NGLY1: variants seen among roughly 807,000 people sequenced by gnomAD.
NGLY1 encodes the protein peptide-N(4)-(N-acetyl-beta-glucosaminyl)asparagine amidase.
A neutral mutation model predicts 84.6 loss-of-function variants in NGLY1; 68 were observed. That is an observed-to-expected ratio of 0.80 (90% CI 0.66 to 0.98). The LOEUF (loss-of-function observed/expected upper bound fraction) is 0.98, where lower values mean the gene tolerates loss of function less well. Ranked by LOEUF, NGLY1 falls within the 50% of genes least tolerant of loss-of-function variation. The pLI, the probability that NGLY1 is intolerant of heterozygous loss-of-function variation, is 0.00. For missense variants in NGLY1, 779 were observed against 770.2 expected (o/e 1.01, Z -0.14); for synonymous variants, 280 against 275.2 (o/e 1.02, Z -0.17).
intron 3 of NGLY1, among the ~76,000 whole-genome samples, chr3:25,753,863 T>C (rs1488461231): frequency 6.6e-6 from 1 of 152,172 alleles, no homozygotes; most frequent in Admixed American, 6.5e-5. Flanking sequence ...TATTGCAAAG[T>C]AGAGACAGGT....
rs572614736 is a variant in NGLY1, at chr3:25,724,312, A to G, written c.1612-4121T>C. Among the ~76,000 whole-genome samples the G allele has an allele frequency of 7.5e-4, 115 of 152,320 alleles. 1 individual carries two copies. The Middle Eastern group carries it at 0.01, about 14-fold the overall frequency. On this transcript the variant is annotated intron_variant, in intron 10 of 11. Transcript: ENST00000280700. ...TACAGCAAGCACCCTGAAGTCCGTC[A>G]TTCCCACAGATACCCAGCAAAGCAG...
Position 25,726,327 on chromosome 3 carries a change from G to C in NGLY1, c.1611+2806C>G, listed in dbSNP as rs564772232. ...GAGAGTACAAAAGTGAGTAGAAAAA[G>C]ACAAGGTCTCTCCCTAAGAATTGTT... On this transcript the variant is annotated intron_variant, in intron 10 of 11. Coordinates refer to ENST00000280700, the MANE Select transcript of NGLY1 (RefSeq NM_018297.4). Among the ~76,000 whole-genome samples, 22 of 152,278 alleles carry C rather than the reference G, an allele frequency of 1.4e-4. No homozygotes were observed. The South Asian group carries it at 3.9e-3, about 27-fold the overall frequency.
chr3:25,746,064 T>C (rs1300802679), intron 4 of NGLY1, among the ~76,000 whole-genome samples: 2 of 152,226 alleles, frequency 1.3e-5, no homozygotes, highest in Non-Finnish European at 2.9e-5. Flanking sequence ...GAACTTGGTA[T>C]ACACTGCTCT....
chr3:25,764,451 T>C, intron 2 of NGLY1, 140 bp from the exon 3 acceptor site: 1 of 961,118 alleles, frequency 1.0e-6, no homozygotes, highest in Non-Finnish European at 1.5e-6. Flanking sequence ...CTTACCATTA[T>C]GGTTCTTTTT....
intron 9 of NGLY1, chr3:25,730,667 C>A (rs754110486): frequency 6.6e-6 from 1 of 152,032 alleles, no homozygotes; most frequent in Non-Finnish European, 1.5e-5. Context: ...TATGGCTGAA[C>A]CAACACTTTT....
chr3:25,720,855 T>TGG (rs1003908413), intron 10 of NGLY1, among the ~76,000 whole-genome samples: 3 of 152,220 alleles, frequency 2.0e-5, no homozygotes, highest in African/African-American at 7.2e-5. Flanking sequence ...TCCACAGCCT[T>TGG]GGTCTTTCAC....
At chr3:25,755,012 G>C (rs750479485) in intron 3 of NGLY1, 5 of 904,216 alleles carry the variant, frequency 5.5e-6, no homozygotes, top group Non-Finnish European at 7.5e-6. Context: ...GGGAATCACA[G>C]ACTACAAACC....
At chr3:25,758,413 C>CA in intron 3 of NGLY1, among the ~76,000 whole-genome samples, 1 of 151,828 alleles carries the variant, frequency 6.6e-6, no homozygotes, top group African/African-American at 2.4e-5. Flanking sequence ...CTCATCTCTA[C>CA]AAAAAATAAA....
At chr3:25,788,091 C>T (rs1336952803), upstream of NGLY1, among the ~76,000 whole-genome samples, 1 of 152,208 alleles carries the variant, frequency 6.6e-6, no homozygotes, top group African/African-American at 2.4e-5. Context: ...CTATGGGTGT[C>T]TCCCTTTACT....
chr3:25,723,407 A>T (rs573989099), intron 10 of NGLY1, among the ~76,000 whole-genome samples: 10 of 152,312 alleles, frequency 6.6e-5, no homozygotes, highest in Non-Finnish European at 1.2e-4. Flanking sequence ...CAGTATATGG[A>T]GATAAAACAC....
intron 3 of NGLY1, among the ~76,000 whole-genome samples, chr3:25,758,123 C>T (rs1218545689): frequency 2.0e-5 from 3 of 152,176 alleles, no homozygotes; most frequent in African/African-American, 7.2e-5. Context: ...GCAAACACAT[C>T]ATCTGCTTTT....
intron 3 of NGLY1, among the ~76,000 whole-genome samples, chr3:25,762,380 T>G (rs138863180): frequency 1.6e-4 from 24 of 152,312 alleles, no homozygotes; most frequent in African/African-American, 5.1e-4. Flanking sequence ...ATTCCAGTGA[T>G]CCACGAATAA....
At chr3:25,747,084 ATACAT>A (rs1004616632) in intron 4 of NGLY1, among the ~76,000 whole-genome samples, 1 of 152,220 alleles carries the variant, frequency 6.6e-6, no homozygotes, top group Non-Finnish European at 1.5e-5. Flanking sequence ...ATTATACTTC[ATACAT>A]TACATTTGTT....
intron 1 of NGLY1, 82 bp from the exon 2 acceptor site, chr3:25,778,770 C>G: frequency 4.3e-6 from 3 of 698,938 alleles, no homozygotes; most frequent in Non-Finnish European, 7.3e-6. Context: ...ACAAACATGA[C>G]CTAGGTATAC....
intron 4 of NGLY1, chr3:25,749,773 C>A: frequency 7.1e-7 from 1 of 1,405,270 alleles, no homozygotes; most frequent in Non-Finnish European, 1.0e-6. Flanking sequence ...ACAAAACTTA[C>A]TGTGCTGAGA....
chr3:25,786,280 C>A (rs1282522598), upstream of NGLY1, among the ~76,000 whole-genome samples: 2 of 151,474 alleles, frequency 1.3e-5, no homozygotes, highest in African/African-American at 4.9e-5. Flanking sequence ...CTGAGGTTGC[C>A]CTACTGCACT....
chr3:25,767,949 C>A (rs983530515), intron 2 of NGLY1, among the ~76,000 whole-genome samples: 5 of 150,670 alleles, frequency 3.3e-5, no homozygotes, highest in African/African-American at 1.2e-4. Context: ...CCCGTCTCTA[C>A]TAAAAACACA....
At chr3:25,773,713 G>C (rs1292902587) in intron 2 of NGLY1, among the ~76,000 whole-genome samples, 2 of 152,102 alleles carry the variant, frequency 1.3e-5, no homozygotes, top group Non-Finnish European at 2.9e-5. Flanking sequence ...TACCAGAATT[G>C]TTTTTCTGGT....
intron 5 of NGLY1, among the ~76,000 whole-genome samples, chr3:25,739,245 G>A (rs904543405): frequency 3.9e-5 from 6 of 152,126 alleles, no homozygotes; most frequent in Non-Finnish European, 1.5e-5. Context: ...TTATACTTTA[G>A]AACAAGAGTC....
Sources: allele counts gnomAD v4.1 joint callset (sites outside exome capture counted in the v4.1 genomes callset), GRCh38; gene constraint gnomAD v4.1.1; transcripts MANE v1.5; gene names NCBI Gene and HGNC (gene_info 2026-07-23, HGNC 2026-07-21).